PASK: variants seen among roughly 807,000 people sequenced by gnomAD.
PASK encodes PAS domain containing serine/threonine kinase.
A neutral mutation model predicts 121.0 loss-of-function variants in PASK; 110 were observed. The observed-to-expected ratio is 0.91, with a 90% CI of 0.78 to 1.06. The LOEUF is 1.06. Among genes scored for constraint, PASK ranks in the 50% least tolerant of loss-of-function variants. The pLI is 0.00. For missense variants in PASK, 1,643 were observed against 1,702.3 expected (o/e 0.97, Z 0.61); for synonymous variants, 686 against 717.8 (o/e 0.96, Z 0.71).
At chr2:241,111,619 G>T (rs192826621) in intron 15 of PASK, among the ~76,000 whole-genome samples, 5 of 152,012 alleles carry the variant, frequency 3.3e-5, no homozygotes, top group African/African-American at 1.2e-4. Flanking sequence ...AAAGTCCCCC[G>T]AGAGGAGGCC....
At chr2:241,141,564 C>T (rs893543466) in intron 2 of PASK, among the ~76,000 whole-genome samples, 2 of 152,164 alleles carry the variant, frequency 1.3e-5, no homozygotes, top group Non-Finnish European at 2.9e-5. Context: ...CTCAGTGACC[C>T]TGGCTCCATC....
rs1411738199 is a variant in PASK at position 241,132,905 on chromosome 2, G to C, written c.1432C>G (p.Leu478Val). ...QTELIAGGQL[L>V]SCLSPQPAPG... Reference sequence around the variant, plus strand: ...GCAGGCTGAGGTGAGAGGCAGGAAAGGAGCTGGCCTCCAGCAATCAGCTCA... The same window carrying C: ...GCAGGCTGAGGTGAGAGGCAGGAAACGAGCTGGCCTCCAGCAATCAGCTCA... The change falls in exon 9 of 18, where the codon CTT becomes GTT. Residue 478 changes from leucine (L) to valine (V), a missense_variant. This residue lies in a region of PASK where 1,176 missense variants were observed against 1,162.2 expected (regional missense o/e 1.01). Transcript: ENST00000234040. The C allele has an allele frequency of 2.5e-6, 4 of 1,614,098 alleles. No individual in the cohort carries two copies. The highest frequency in any genetic ancestry group is 1.7e-5 in the Admixed American group (1 of 60,028).
At chr2:241,120,504 A>C (rs1294455517) in intron 12 of PASK, among the ~76,000 whole-genome samples, 1 of 152,140 alleles carries the variant, frequency 6.6e-6, no homozygotes, top group East Asian at 1.9e-4. Flanking sequence ...AAAGAAAAAA[A>C]AAATGGGCAA....
upstream of PASK, chr2:241,150,217 C>T (rs1157391453): frequency 3.1e-6 from 4 of 1,281,000 alleles, no homozygotes; most frequent in South Asian, 2.6e-5. Context: ...GCAGCTACGG[C>T]TCTGTGCGTC....
intron 16 of PASK, among the ~76,000 whole-genome samples, 187 bp from the exon 17 acceptor site, chr2:241,107,686 T>C (rs1484490898): frequency 5.3e-5 from 8 of 152,208 alleles, no homozygotes; most frequent in Non-Finnish European, 1.2e-4. Flanking sequence ...GCCTCTGAAA[T>C]GAAAGCTTGG....
At chr2:241,136,975 C>T (rs747591774) in intron 7 of PASK, 29 bp downstream of exon 7, 30 of 1,605,446 alleles carry the variant, frequency 1.9e-5, no homozygotes, top group African/African-American at 8.0e-5. Context: ...TCCCAGGGAA[C>T]GGGAGCCAGG....
At chr2:241,139,545 ATAT>A (rs1400993403) in intron 4 of PASK, 1 of 549,460 alleles carries the variant, frequency 1.8e-6, no homozygotes, top group Non-Finnish European at 3.6e-6. Context: ...CAATAAAACC[ATAT>A]TACTCTTGAG....
chr2:241,149,985 G>C (rs1383245357), upstream of PASK: 5 of 1,418,272 alleles, frequency 3.5e-6, no homozygotes, highest in Non-Finnish European at 4.6e-6. Flanking sequence ...GGGACGCCGG[G>C]AGAATGTTGT....
Position 241,106,333 on chromosome 2 carries a change from G to T in PASK, c.*233C>A, listed in dbSNP as rs2064879148. 6.9e-6 allele frequency: 4 copies of T among 580,228 alleles called. No homozygotes were observed. Among genetic ancestry groups the T allele is most frequent in the Non-Finnish European group, 1.2e-5 (4 of 326,372 alleles). The allele number at this position is 580,228 out of a possible 1,614,324, so 35.9% of individuals were successfully genotyped here. A position where few individuals can be genotyped will look rare whatever the true frequency, so the allele number is the denominator to read the frequency against. On this transcript the variant is annotated 3_prime_UTR_variant, in exon 18 of 18. Transcript: ENST00000234040. ...AGCCCTTTAATAATATAAAACAGTT[G>T]AACACTGGAATGTTTTTTTCTAGGT...
In PASK at chr2:241,127,159, G is replaced by C. The variant is rs756097707; in HGVS notation, c.1756C>G (p.Leu586Val). The C allele has an allele frequency of 6.8e-6, 11 of 1,614,060 alleles. No individual in the cohort carries two copies. In the East Asian group the frequency reaches 2.5e-4, roughly 36 times the overall value. Residue 586 changes from leucine to valine, a missense_variant, in exon 10 of 18, where the codon CTT becomes GTT. By Grantham distance (32) the Leu-to-Val change is conservative. Around this residue, in one of 3 missense-constraint regions of PASK, gnomAD observed 1,176 missense variants for 1,162.2 expected, o/e 1.01. Transcript: ENST00000234040. ...MGVSGPSGSD[L>V]WAGAAVAKPQ... ...TTGGCCACGGCAGCCCCAGCCCAAA[G>C]GTCTGAACCGCTGGGACCACTGACT...
At chr2:241,150,310 G>C, upstream of PASK, 1 of 1,335,548 alleles carries the variant, frequency 7.5e-7, no homozygotes, top group African/African-American at 1.5e-5. Context: ...ACCTGCTCTG[G>C]GGGAGGCGCG....
chr2:241,122,705 G>A (rs2065667093), intron 12 of PASK, 27 bp downstream of exon 12: 8 of 1,607,580 alleles, frequency 5.0e-6, no homozygotes, highest in Non-Finnish European at 4.3e-6. Flanking sequence ...GGTGCCCGGC[G>A]CCACTCCCCC....
rs753768742 is a variant in PASK at position 241,106,517 on chromosome 2, CTGTG to C, written c.*45_*48del. On this transcript the variant is annotated 3_prime_UTR_variant, in exon 18 of 18. Transcript: ENST00000234040. ...TCTCCAAACAGATGGAGCCTGAAAA[CTGTG>C]TGATTTTCCAAACCAAGTGGAGAAA... is the stretch of plus-strand genomic sequence containing the variant. 1.3e-6 allele frequency: 2 copies of C among 1,592,878 alleles called. No homozygotes were observed. The highest frequency in any genetic ancestry group is 3.3e-5 in the Admixed American group (2 of 60,012).
intron 14 of PASK, chr2:241,114,552 G>C: frequency 9.9e-7 from 1 of 1,006,340 alleles, no homozygotes; most frequent in Non-Finnish European, 1.2e-6. Context: ...AATAATGGCC[G>C]AAGTTCAATA....
Position 241,139,876 on chromosome 2 carries a change from T to A in PASK, c.600+9A>T, listed in dbSNP as rs965071114. On this transcript the variant is annotated intron_variant, in intron 4 of 17. Coordinates refer to ENST00000234040, the MANE Select transcript of PASK (RefSeq NM_015148.4). ...GGCCAGACTGAACGCTGCACCCGCA[T>A]CCACTCACCACCGTGCCAAACACCA... The A allele has an allele frequency of 1.2e-6, 2 of 1,613,646 alleles. No homozygotes were observed. The highest frequency in any genetic ancestry group is 1.3e-5 in the African/African-American group (1 of 74,922).
chr2:241,133,856 C>A (rs990154737), intron 8 of PASK: 1 of 152,254 alleles, frequency 6.6e-6, no homozygotes, highest in African/African-American at 2.4e-5. Flanking sequence ...GTGCTACATC[C>A]CTGTAATCCC....
chr2:241,139,715 C>T, intron 4 of PASK, 170 bp downstream of exon 4: 1 of 726,642 alleles, frequency 1.4e-6, no homozygotes, highest in Non-Finnish European at 2.5e-6. Context: ...ACCCCCACTG[C>T]AGCTGAAGCG....
At chr2:241,143,103 T>A (rs2066787837) in intron 1 of PASK, 29 bp from the exon 2 acceptor site, 7 of 1,125,328 alleles carry the variant, frequency 6.2e-6, no homozygotes. Context: ...CTGATTAACA[T>A]CTGCAATGCA....
In PASK at chr2:241,108,448, G is replaced by A. The variant is rs940598001; in HGVS notation, c.3534-148C>T. The stretch of plus-strand genomic sequence containing the variant: ...GAGGGTCACTCCACCCCTCAAACAC[G>A]CCCTCCATTTCCACGCACTTCTGCC... On this transcript the variant is annotated intron_variant, in intron 15 of 17. Transcript: ENST00000234040. The surrounding 1 kb of genome is among the most constrained non-coding windows in gnomAD (Gnocchi z 5.2). 14 of 784,136 alleles carry A rather than the reference G, an allele frequency of 1.8e-5. No homozygotes were observed. Among genetic ancestry groups the A allele is most frequent in the African/African-American group, 6.8e-5 (4 of 58,540 alleles). 48.6% of individuals were successfully genotyped at this position (784,136 alleles called of 1,614,324 possible). A position where few individuals can be genotyped will look rare whatever the true frequency, so the allele number is the denominator to read the frequency against.
Sources: allele counts gnomAD v4.1 joint callset (sites outside exome capture counted in the v4.1 genomes callset), GRCh38; gene constraint gnomAD v4.1.1; regional missense constraint gnomAD v4.1.1; non-coding constraint Gnocchi (gnomAD v3.1); transcripts MANE v1.5; gene names NCBI Gene and HGNC (gene_info 2026-07-23, HGNC 2026-07-21).